Variants in C8orf34 observed in about 807,000 individuals in gnomAD.
C8orf34 encodes the protein chromosome 8 open reading frame 34.
Under a neutral mutation model 68.3 loss-of-function variants are expected in C8orf34, and 65 were observed. The ratio of observed to expected loss-of-function variants is 0.95; its 90% CI spans 0.78 to 1.17. C8orf34 has a LOEUF of 1.17. C8orf34 is among the 50% of genes most tolerant of loss of function. The probability of loss-of-function intolerance (pLI) is 0.00; values close to 1 mark genes in which losing one functional copy is unlikely to be tolerated. For synonymous variants in C8orf34, 244 were observed against 241.2 expected (o/e 1.01, Z -0.11); for missense variants, 664 against 655.4 (o/e 1.01, Z -0.14).
At chr8:68,691,384 A>C (rs550365980) in intron 8 of C8orf34, among the ~76,000 whole-genome samples, 2 of 152,186 alleles carry the variant, frequency 1.3e-5, no homozygotes, top group African/African-American at 4.8e-5. Context: ...TATAGTATAA[A>C]CATAACTTTT....
intron 1 of C8orf34, among the ~76,000 whole-genome samples, chr8:68,394,277 C>G (rs1015548642): frequency 3.6e-5 from 5 of 140,070 alleles, no homozygotes; most frequent in Admixed American, 7.8e-5. Context: ...TGTGATGTTC[C>G]CCTTCCTGTG....
intron 8 of C8orf34, among the ~76,000 whole-genome samples, chr8:68,668,929 A>G (rs1819924021): frequency 1.3e-5 from 2 of 152,106 alleles, no homozygotes; most frequent in Non-Finnish European, 2.9e-5. Flanking sequence ...TTGAAAGCAG[A>G]TTCTTCCTTA....
intron 7 of C8orf34, among the ~76,000 whole-genome samples, chr8:68,572,568 A>T (rs1816789190): frequency 6.6e-6 from 1 of 151,992 alleles, no homozygotes; most frequent in African/African-American, 2.4e-5. Flanking sequence ...GATGATCCAG[A>T]AATAAAATTC....
chr8:68,493,230 T>A (rs1813388999), intron 5 of C8orf34, among the ~76,000 whole-genome samples: 2 of 152,090 alleles, frequency 1.3e-5, no homozygotes, highest in African/African-American at 4.8e-5. Flanking sequence ...AAATTACACA[T>A]CTGATAAGAA....
intron 7 of C8orf34, among the ~76,000 whole-genome samples, chr8:68,632,455 A>T (rs891375416): frequency 3.3e-5 from 5 of 152,270 alleles, no homozygotes; most frequent in African/African-American, 1.2e-4. Context: ...AAGTTTGAAA[A>T]ATTTGCAGCC....
intron 1 of C8orf34, among the ~76,000 whole-genome samples, chr8:68,430,078 A>C (rs1810390271): frequency 6.6e-6 from 1 of 152,148 alleles, no homozygotes; most frequent in South Asian, 2.1e-4. Flanking sequence ...GTCCCAACCC[A>C]AAAGCTCCTA....
intron 7 of C8orf34, among the ~76,000 whole-genome samples, chr8:68,600,363 A>G (rs1817664950): frequency 6.6e-6 from 1 of 152,296 alleles, no homozygotes; most frequent in African/African-American, 2.4e-5. Context: ...AACATCATAT[A>G]TGATTTTTAA....
chr8:68,815,814 C>A (rs890662148), intron 12 of C8orf34, 72 bp from the exon 13 acceptor site: 2 of 1,611,778 alleles, frequency 1.2e-6, no homozygotes, highest in Non-Finnish European at 8.5e-7. Flanking sequence ...TTGGCTAAAG[C>A]GCTAGGGAAT....
At chr8:68,759,818 ATATT>A (rs1170871762) in intron 10 of C8orf34, among the ~76,000 whole-genome samples, 1 of 152,248 alleles carries the variant, frequency 6.6e-6, no homozygotes, top group Non-Finnish European at 1.5e-5. Context: ...AGAACATGCT[ATATT>A]CACTTTCTAG....
chr8:68,713,839 G>A (rs1411099393), intron 9 of C8orf34, among the ~76,000 whole-genome samples: 2 of 151,910 alleles, frequency 1.3e-5, no homozygotes, highest in South Asian at 2.1e-4. Flanking sequence ...GACATAACAC[G>A]AAAAGAAAAC....
intron 10 of C8orf34, among the ~76,000 whole-genome samples, chr8:68,739,343 C>T (rs142703124): frequency 3.6e-4 from 54 of 151,808 alleles, no homozygotes; most frequent in East Asian, 9.7e-4. Flanking sequence ...TCATACCAAA[C>T]GGATAAAAGC....
chr8:68,496,230 A>G (rs547636214), intron 5 of C8orf34, among the ~76,000 whole-genome samples: 83 of 152,344 alleles, frequency 5.4e-4, no homozygotes, highest in African/African-American at 1.9e-3. Flanking sequence ...TAGACAGTTC[A>G]TGAAGACTGT....
At chr8:68,777,120 A>G (rs1322406933) in intron 11 of C8orf34, among the ~76,000 whole-genome samples, 3 of 152,190 alleles carry the variant, frequency 2.0e-5, no homozygotes, top group Non-Finnish European at 4.4e-5. Flanking sequence ...AGGTGGAGGG[A>G]ACTGGGAAAC....
At chr8:68,810,311 A>G (rs1227064985) in intron 12 of C8orf34, among the ~76,000 whole-genome samples, 2 of 152,156 alleles carry the variant, frequency 1.3e-5, no homozygotes, top group Non-Finnish European at 2.9e-5. Flanking sequence ...CAGCACGGAC[A>G]TTGTCTCCTT....
intron 1 of C8orf34, among the ~76,000 whole-genome samples, chr8:68,342,149 G>T (rs970662694): frequency 6.6e-6 from 1 of 152,160 alleles, no homozygotes; most frequent in African/African-American, 2.4e-5. Flanking sequence ...TCATTTCATA[G>T]TGTATAATAT....
In C8orf34 at chr8:68,674,198, G is replaced by A. The variant is rs61271322; in HGVS notation, c.1241+33687G>A. ...GGACATATACAAACAAGCCCAGACC[G>A]TAAAGATTACAATAAATATCTAATT... On this transcript the variant is annotated intron_variant, in intron 8 of 13. Transcript: ENST00000518698. Among the ~76,000 whole-genome samples the A allele has an allele frequency of 9.6e-3, 1,453 of 151,828 alleles. 22 individuals are homozygous for A. The highest frequency in any genetic ancestry group is 0.029 in the African/African-American group (1,217 of 41,384).
In C8orf34 at chr8:68,556,849, C is replaced by T. The variant is rs568309328; in HGVS notation, c.1105+23700C>T. ...GATTGAATTTCCCTTTAACAGCTAA[C>T]ACAAATGTTGATTCTAGTAGCCATA... On this transcript the variant is annotated intron_variant, in intron 7 of 13. Transcript: ENST00000518698. Among the ~76,000 whole-genome samples the T allele has an allele frequency of 1.2e-4, 18 of 152,292 alleles. No individual in the cohort carries two copies. The South Asian group carries it at 3.7e-3, about 32-fold the overall frequency.
At chr8:68,346,884 G>A (rs377183475) in intron 1 of C8orf34, among the ~76,000 whole-genome samples, 7 of 152,184 alleles carry the variant, frequency 4.6e-5, no homozygotes, top group Admixed American at 3.3e-4. Context: ...AGTTTTGGCA[G>A]TTATAAATAA....
At chr8:68,402,044 T>C (rs1808981037) in intron 1 of C8orf34, among the ~76,000 whole-genome samples, 1 of 152,094 alleles carries the variant, frequency 6.6e-6, no homozygotes, top group Non-Finnish European at 1.5e-5. Context: ...GGTTTTGGGC[T>C]TTTATGTTGT....
Sources: gnomAD v4.1 joint callset for allele counts (sites outside exome capture counted in the v4.1 genomes callset) on GRCh38, gnomAD v4.1.1 for gene constraint, MANE v1.5 for transcripts, NCBI Gene and HGNC (gene_info 2026-07-23, HGNC 2026-07-21) for gene names.